APBB1IP: variants seen among roughly 807,000 people sequenced by gnomAD.
APBB1IP encodes the protein amyloid beta precursor protein binding family B member 1 interacting protein.
APBB1IP carries 27 observed loss-of-function variants against 64.9 expected under a neutral mutation model. The ratio of observed to expected loss-of-function variants is 0.42; its 90% CI spans 0.31 to 0.57. The LOEUF is 0.57. APBB1IP is among the 20% of genes least tolerant of loss of function. The pLI is 0.20. For synonymous variants in APBB1IP, 392 were observed against 331.0 expected (o/e 1.18, Z -2.00); for missense variants, 812 against 845.5 (o/e 0.96, Z 0.49).
At chr10:26,494,809 A>G (rs894292157) in intron 3 of APBB1IP, among the ~76,000 whole-genome samples, 4 of 152,118 alleles carry the variant, frequency 2.6e-5, no homozygotes, top group Non-Finnish European at 5.9e-5. Flanking sequence ...TGGGCAACAG[A>G]GTGAGACTCC....
intron 6 of APBB1IP, among the ~76,000 whole-genome samples, chr10:26,511,234 C>CT (rs1388678998): frequency 6.6e-6 from 1 of 152,080 alleles, no homozygotes; most frequent in African/African-American, 2.4e-5. Context: ...ATCCCAACTA[C>CT]TAGGAAGGCT....
intron 2 of APBB1IP, among the ~76,000 whole-genome samples, chr10:26,451,323 G>A (rs756315555): frequency 3.3e-5 from 5 of 152,038 alleles, no homozygotes; most frequent in East Asian, 1.9e-4. Flanking sequence ...TCCTGGGCTC[G>A]GGTAATCCTC....
At chr10:26,517,306 A>C (rs1255512875) in intron 8 of APBB1IP, among the ~76,000 whole-genome samples, 1 of 152,246 alleles carries the variant, frequency 6.6e-6, no homozygotes, top group African/African-American at 2.4e-5. Context: ...CAGAGCATTC[A>C]GGGAGTTGCA....
intron 4 of APBB1IP, among the ~76,000 whole-genome samples, chr10:26,497,828 G>A (rs944437132): frequency 6.9e-6 from 1 of 145,680 alleles, no homozygotes; most frequent in East Asian, 2.3e-4. Context: ...CTGGGTTCAA[G>A]CGATTCTCCT....
intron 14 of APBB1IP, 36 bp from the exon 15 acceptor site, chr10:26,566,925 A>T (rs1837052455): frequency 7.4e-7 from 1 of 1,347,200 alleles, no homozygotes. Context: ...TTCAAAAATT[A>T]AAAAAAAAAT....
intron 2 of APBB1IP, among the ~76,000 whole-genome samples, chr10:26,476,466 G>GAAGAA (rs556114328): frequency 0.019 from 1,725 of 91,452 alleles, 41 homozygotes; most frequent in African/African-American, 0.058. Context: ...AAAAAAAAAA[G>GAAGAA]AAGAAAAGAA....
At position 26,513,606 on chromosome 10, in the gene APBB1IP, T is replaced by C; in HGVS notation, c.759T>C (p.Asn253=). The C allele has an allele frequency of 1.2e-6, 2 of 1,613,034 alleles. No homozygotes were observed. Among genetic ancestry groups the C allele is most frequent in the Non-Finnish European group, 1.7e-6 (2 of 1,179,726 alleles). Reference sequence around the variant, plus strand: ...CAGACTGGACAAGAGACACAGAAAATAAAATACTATTTTTGGAGAAAGAGG... The same window carrying C: ...CAGACTGGACAAGAGACACAGAAAACAAAATACTATTTTTGGAGAAAGAGG... ...VLSDWTRDTE[N]KILFLEKEEK... is the part of the protein sequence containing the mutation. The change falls in exon 8 of 15, where the codon AAT becomes AAC. Residue 253 remains asparagine, a synonymous_variant. Transcript: ENST00000376236.
At chr10:26,534,576 G>A (rs1199683772) in intron 9 of APBB1IP, among the ~76,000 whole-genome samples, 1 of 152,134 alleles carries the variant, frequency 6.6e-6, no homozygotes, top group Non-Finnish European at 1.5e-5. Flanking sequence ...GCTGAAGAGC[G>A]CCCTCTCTCG....
intron 8 of APBB1IP, among the ~76,000 whole-genome samples, chr10:26,518,312 A>G (rs1030061931): frequency 1.3e-5 from 2 of 150,878 alleles, no homozygotes; most frequent in Admixed American, 6.6e-5. Flanking sequence ...CAGTGACACA[A>G]TCTCAGCTCA....
rs369237361 is a variant in APBB1IP, at chr10:26,552,223, C to T, written c.1156-7882C>T. The stretch of plus-strand genomic sequence containing the variant: ...GTCTGAGGCAGGAGGATCCCTTGAG[C>T]CCACATTCAAGGTTGCAGTGAGTTA... On this transcript the variant is annotated intron_variant, in intron 11 of 14. Transcript: ENST00000376236. 2.0e-5 allele frequency among the ~76,000 whole-genome samples: 3 copies of T among 152,166 alleles called. No individual in the cohort carries two copies. In the East Asian group the frequency reaches 5.8e-4, roughly 29 times the overall value.
At chr10:26,473,766 C>A (rs1412792803) in intron 2 of APBB1IP, among the ~76,000 whole-genome samples, 1 of 152,138 alleles carries the variant, frequency 6.6e-6, no homozygotes, top group Non-Finnish European at 1.5e-5. Flanking sequence ...CTTTGGGAGG[C>A]CGAGGTGGGC....
intron 11 of APBB1IP, among the ~76,000 whole-genome samples, chr10:26,547,918 T>G (rs778716578): frequency 2.6e-5 from 4 of 152,232 alleles, no homozygotes; most frequent in Non-Finnish European, 2.9e-5. Context: ...TTCTTCTTTT[T>G]CTTTTGTGGG....
Position 26,567,306 on chromosome 10 carries a change from G to T in APBB1IP, c.1819G>T (p.Ala607Ser). 9.3e-7 allele frequency: 1 copy of T among 1,076,366 alleles called. No individual in the cohort carries two copies. Among genetic ancestry groups the T allele is most frequent in the Non-Finnish European group, 1.1e-6 (1 of 874,838 alleles). The allele number at this position is 1,076,366 out of a possible 1,614,324, so 66.7% of individuals were successfully genotyped here. Reference protein sequence around the residue: ...ELPPPPPPPPAPAPAPVPDSA... With the variant: ...ELPPPPPPPPSPAPAPVPDSA... ...GCCCCCGCCGCCGCCGCCGCCGCCC[G>T]CGCCCGCGCCCGCCCCCGTCCCCGA... Residue 607 changes from alanine to serine, a missense_variant, in exon 15 of 15, where the codon GCG becomes TCG. Physicochemically the swap from Ala to Ser is moderately conservative, Grantham distance 99 (BLOSUM62 1). Around this residue, in one of 3 missense-constraint regions of APBB1IP, gnomAD observed 381 missense variants for 352.1 expected, o/e 1.08. Transcript: ENST00000376236.
At chr10:26,448,150 A>ATGT in intron 2 of APBB1IP, among the ~76,000 whole-genome samples, 1 of 3,718 alleles carries the variant, frequency 2.7e-4, no homozygotes, top group Non-Finnish European at 5.5e-3. Flanking sequence ...TAAAAATAAT[A>ATGT]TATTAATTTT....
intron 11 of APBB1IP, among the ~76,000 whole-genome samples, chr10:26,558,472 CAGAGACAGACA>C (rs1405146935): frequency 6.6e-6 from 1 of 152,102 alleles, no homozygotes; most frequent in Non-Finnish European, 1.5e-5. Context: ...CACAGTCTAT[CAGAGACAGACA>C]CATAAAACAG....
At chr10:26,495,386 A>C (rs12782307) in intron 3 of APBB1IP, among the ~76,000 whole-genome samples, 51,361 of 140,450 alleles carry the variant, frequency 0.37, 9,683 homozygotes, top group East Asian at 0.66. Context: ...TCTGTACCTC[A>C]TTCCTGCAGC....
chr10:26,467,493 A>G (rs1835662978), intron 2 of APBB1IP, among the ~76,000 whole-genome samples: 1 of 152,174 alleles, frequency 6.6e-6, no homozygotes, highest in Non-Finnish European at 1.5e-5. Context: ...TGTGTTCAAG[A>G]CCAGCCTGGG....
At chr10:26,513,987 G>C (rs1836293968) in intron 8 of APBB1IP, among the ~76,000 whole-genome samples, 2 of 152,108 alleles carry the variant, frequency 1.3e-5, no homozygotes, top group South Asian at 4.1e-4. Flanking sequence ...GCCCACCTCA[G>C]GCTCCCAAAG....
chr10:26,560,183 A>G lies in APBB1IP; in HGVS notation c.1234A>G (p.Met412Val), dbSNP rs763828374. 1 of 1,614,160 alleles carries G rather than the reference A, an allele frequency of 6.2e-7. No individual in the cohort carries two copies. Among genetic ancestry groups the G allele is most frequent in the South Asian group, 1.1e-5 (1 of 91,084 alleles). Residue 412 changes from methionine to valine, a missense_variant, in exon 12 of 15, where the codon ATG (methionine) becomes GTG (valine). Physicochemically the swap from Met to Val is conservative, Grantham distance 21. Transcript: ENST00000376236. ...DDTRTLNQWVMGIRIAKYGKT... is the reference protein window; with the variant it reads ...DDTRTLNQWVVGIRIAKYGKT... ...CACAAGAACCCTTAACCAGTGGGTC[A>G]TGGGAATACGGATAGCCAAGGTGAG...
Sources: gnomAD v4.1 joint callset for allele counts (sites outside exome capture counted in the v4.1 genomes callset) on GRCh38, gnomAD v4.1.1 for gene constraint, gnomAD v4.1.1 regional missense constraint, MANE v1.5 for transcripts, NCBI Gene and HGNC (gene_info 2026-07-23, HGNC 2026-07-21) for gene names.